Variants in DPP9 observed in about 807,000 individuals in gnomAD.
DPP9 encodes the protein dipeptidyl peptidase IV-related protein-2.
DPP9 carries 50 observed loss-of-function variants against 110.7 expected under a neutral mutation model. The observed-to-expected ratio is 0.45, with a 90% confidence interval of 0.36 to 0.57. The LOEUF is 0.57. DPP9 is among the 20% of genes least tolerant of loss of function. The probability of loss-of-function intolerance (pLI) is 0.00; values close to 1 mark genes in which losing one functional copy is unlikely to be tolerated. For missense variants in DPP9, 1,022 were observed against 1,217.9 expected (o/e 0.84, Z 2.39); for synonymous variants, 561 against 514.4 (o/e 1.09, Z -1.23).
chr19:4,688,735 G>A, intron 16 of DPP9, 22 bp downstream of exon 16: 1 of 1,415,642 alleles, frequency 7.1e-7, no homozygotes, highest in Non-Finnish European at 9.2e-7. Context: ...GGCCTCCGTG[G>A]GGCGGGGCAG....
intron 19 of DPP9, chr19:4,683,174 G>A: frequency 6.9e-7 from 1 of 1,442,092 alleles, no homozygotes; most frequent in Non-Finnish European, 9.1e-7. Context: ...CCGCCGCTCT[G>A]CACACCATGC....
In DPP9 at chr19:4,689,694, A is replaced by C; in HGVS notation, c.1625T>G (p.Val542Gly). The C allele has an allele frequency of 6.4e-7, 1 of 1,554,378 alleles. No homozygotes were observed. The highest frequency in any genetic ancestry group is 8.7e-7 in the Non-Finnish European group (1 of 1,148,560). ...KIWVNEETKL[V>G]YFQGTKDTPL... ...CGTGTCCTTGGTGCCCTGGAAGTACACCAGCTTGGTCTCCTCATTGACCCA... is the reference window on the plus strand; with the variant it reads ...CGTGTCCTTGGTGCCCTGGAAGTACCCCAGCTTGGTCTCCTCATTGACCCA... Residue 542 changes from valine to glycine, a missense_variant, in exon 15 of 22, where the codon GTG (valine) becomes GGG (glycine). Physicochemically the swap from Val to Gly is moderately radical, Grantham distance 109. Transcript: ENST00000262960. This position sits in a 1 kb window ranked among gnomAD's most constrained non-coding sequence, Gnocchi z 7.0.
Position 4,704,149 on chromosome 19 carries a change from G to A in DPP9, c.582C>T (p.Gly194=), listed in dbSNP as rs747057911. Residue 194 remains glycine, a synonymous_variant, in exon 6 of 22, where the codon GGC becomes GGT. Transcript: ENST00000262960. This position sits in a 1 kb window ranked among gnomAD's most constrained non-coding sequence, Gnocchi z 6.0. ...ASNSLFHCRD[G]GKNGFMVSPM... ...GGCTCACCATGAAGCCGTTCTTGCC[G>A]CCGTCGCGGCAGTGGAAGAGGCTGT... is the stretch of plus-strand genomic sequence containing the variant. 70 of 1,613,864 alleles carry A rather than the reference G, an allele frequency of 4.3e-5. No homozygotes were observed. The highest frequency in any genetic ancestry group is 5.5e-5 in the South Asian group (5 of 91,086).
rs367573040 is a variant in DPP9 at position 4,688,931 on chromosome 19, G to A, written c.1750-39C>T. ...GGGGTGATGAGCTCCACGGGATGCCGCTGCGCCCTTTCCACTGGGTGCCGA... is the reference window on the plus strand; with the variant it reads ...GGGGTGATGAGCTCCACGGGATGCCACTGCGCCCTTTCCACTGGGTGCCGA... On this transcript the variant is annotated intron_variant, in intron 15 of 21. Transcript: ENST00000262960. 26 of 1,497,124 alleles carry A rather than the reference G, an allele frequency of 1.7e-5. 1 individual carries two copies. The South Asian group carries it at 2.0e-4, about 12-fold the overall frequency. 92.7% of individuals were successfully genotyped at this position (1,497,124 alleles called of 1,614,324 possible).
In DPP9 at chr19:4,676,244, C is replaced by T. The variant is rs572629348; in HGVS notation, c.*320G>A. ...GCCCCAGGCGGAAGGCAGCCCGCTC[C>T]TCTGAGTCTCTTCTGGCCTCTCCAG... On this transcript the variant is annotated 3_prime_UTR_variant, in exon 22 of 22. Transcript: ENST00000262960. The surrounding 1 kb of genome is among the most constrained non-coding windows in gnomAD (Gnocchi z 4.0). 2 of 342,462 alleles carry T rather than the reference C, an allele frequency of 5.8e-6. No individual in the cohort carries two copies. The highest frequency in any genetic ancestry group is 6.1e-5 in the East Asian group (1 of 16,352). The allele number at this position is 342,462 out of a possible 1,614,324, so 21.2% of individuals were successfully genotyped here. A position where few individuals can be genotyped will look rare whatever the true frequency, so the allele number is the denominator to read the frequency against.
At chr19:4,692,378 GT>G (rs1414290803) in intron 13 of DPP9, among the ~76,000 whole-genome samples, 1 of 152,186 alleles carries the variant, frequency 6.6e-6, no homozygotes, top group African/African-American at 2.4e-5. Flanking sequence ...GAGGGCAGAT[GT>G]GGTTTCCCTG....
chr19:4,719,527 T>C, intron 3 of DPP9: 1 of 404,468 alleles, frequency 2.5e-6, no homozygotes. Flanking sequence ...CTTGGTGACA[T>C]CTGGAGACAT....
At position 4,682,256 on chromosome 19, in the gene DPP9, T is replaced by C. The variant is rs1019796044; in HGVS notation, c.2474+440A>G. 6.6e-6 allele frequency among the ~76,000 whole-genome samples: 1 copy of C among 152,154 alleles called. No individual in the cohort carries two copies. The highest frequency in any genetic ancestry group is 1.5e-5 in the Non-Finnish European group (1 of 68,020). ...ACACTGTTTTCTCTCCATCAGAGAA[T>C]AAGACCCATGTCAAAAGCATAAAAT... On this transcript the variant is annotated intron_variant, in intron 20 of 21. Coordinates refer to ENST00000262960, the MANE Select transcript of DPP9 (RefSeq NM_139159.5). This position sits in a 1 kb window ranked among gnomAD's most constrained non-coding sequence, Gnocchi z 7.1.
In DPP9 at chr19:4,694,624, C is replaced by G. The variant is rs535074477; in HGVS notation, c.1516+37G>C. 1 of 1,593,630 alleles carries G rather than the reference C, an allele frequency of 6.3e-7. No homozygotes were observed. Among genetic ancestry groups the G allele is most frequent in the Non-Finnish European group, 8.6e-7 (1 of 1,169,294 alleles). ...AGCATATTGAACCACACGTGACTAA[C>G]GCGATGAGTCGACAGCATTCGTCAG... is the stretch of plus-strand genomic sequence containing the variant. On this transcript the variant is annotated intron_variant, in intron 13 of 21. Transcript: ENST00000262960. This position sits in a 1 kb window ranked among gnomAD's most constrained non-coding sequence, Gnocchi z 4.0.
Position 4,696,747 on chromosome 19 carries a change from C to CA in DPP9, c.1175+803dup, listed in dbSNP as rs938161417. 2.0e-3 allele frequency among the ~76,000 whole-genome samples: 290 copies of CA among 143,276 alleles called. 1 individual carries two copies. Among genetic ancestry groups the CA allele is most frequent in the African/African-American group, 6.9e-3 (268 of 38,876 alleles). 94.0% of individuals were successfully genotyped at this position (143,276 alleles called of 152,430 possible). ...CTGGTGACAGGGCAAGACTCCGTCTCAAAAAAAAAAATTAAAATATTAGCT... is the reference window on the plus strand; with the variant it reads ...CTGGTGACAGGGCAAGACTCCGTCTCAAAAAAAAAAAATTAAAATATTAGCT... On this transcript the variant is annotated intron_variant, in intron 11 of 21. Coordinates refer to ENST00000262960, the MANE Select transcript of DPP9 (RefSeq NM_139159.5).
chr19:4,691,203 G>A lies in DPP9; in HGVS notation c.1517-246C>T, dbSNP rs372730607. Among the ~76,000 whole-genome samples, 6 of 152,278 alleles carry A rather than the reference G, an allele frequency of 3.9e-5. No individual in the cohort carries two copies. In the East Asian group the frequency reaches 7.7e-4, roughly 20 times the overall value. The stretch of plus-strand genomic sequence containing the variant: ...TTTCCCACGATAAACCAGGAGACCC[G>A]TGGCTCACTCCTGAAATCCCAGCAC... On this transcript the variant is annotated intron_variant, in intron 13 of 21. Transcript: ENST00000262960.
In DPP9 at chr19:4,702,106, CTCA is replaced by C. The variant is rs1187971782; in HGVS notation, c.930_932del (p.Asp310del). 1 of 1,613,830 alleles carries C rather than the reference CTCA, an allele frequency of 6.2e-7. No homozygotes were observed. Among genetic ancestry groups the C allele is most frequent in the African/African-American group, 1.3e-5 (1 of 74,926 alleles). ...GGACGTGAATGACCTCCACCTCGGACTCATCGACTTCCTCATACAGGATTCGCA... is the reference window on the plus strand; with the variant it reads ...GGACGTGAATGACCTCCACCTCGGACTCGACTTCCTCATACAGGATTCGCA... On this transcript the variant is annotated inframe_deletion, in exon 9 of 22. Coordinates refer to ENST00000262960, the MANE Select transcript of DPP9 (RefSeq NM_139159.5).
chr19:4,678,975 C>A (rs1426797454), intron 21 of DPP9, among the ~76,000 whole-genome samples: 1 of 152,108 alleles, frequency 6.6e-6, no homozygotes, highest in East Asian at 1.9e-4. Flanking sequence ...GCCCGAGTCA[C>A]CTCCCACCAC....
chr19:4,707,770 C>G (rs765242926), intron 4 of DPP9, among the ~76,000 whole-genome samples: 1 of 151,812 alleles, frequency 6.6e-6, no homozygotes, highest in Non-Finnish European at 1.5e-5. Flanking sequence ...GGATTACAGG[C>G]GCCCACCACC....
rs1270830074 is a variant in DPP9 at position 4,689,286 on chromosome 19, G to A, written c.1749+284C>T. 6.6e-6 allele frequency among the ~76,000 whole-genome samples: 1 copy of A among 152,214 alleles called. No individual in the cohort carries two copies. Among genetic ancestry groups the A allele is most frequent in the Non-Finnish European group, 1.5e-5 (1 of 68,016 alleles). On this transcript the variant is annotated intron_variant, in intron 15 of 21. Coordinates refer to ENST00000262960, the MANE Select transcript of DPP9 (RefSeq NM_139159.5). This position sits in a 1 kb window ranked among gnomAD's most constrained non-coding sequence, Gnocchi z 7.0. The stretch of plus-strand genomic sequence containing the variant: ...CCTGACATTCTAGAATGTTCTGAGA[G>A]GCTAAGGGCCACATCCCACCGCACA...
chr19:4,690,736 G>GGT, intron 14 of DPP9, 142 bp downstream of exon 14: 1 of 712,584 alleles, frequency 1.4e-6, no homozygotes. Context: ...GGTCCTCACA[G>GGT]GTGTGTGTGC....
rs2145590907 is a variant in DPP9, at chr19:4,694,595, A to C, written c.1516+66T>G. ...TGAGTGGGGGGGCCGACCAATGAAC[A>C]AACAGCATATTGAACCACACGTGAC... On this transcript the variant is annotated intron_variant, in intron 13 of 21. Coordinates refer to ENST00000262960, the MANE Select transcript of DPP9 (RefSeq NM_139159.5). This position sits in a 1 kb window ranked among gnomAD's most constrained non-coding sequence, Gnocchi z 4.0. The C allele has an allele frequency of 1.9e-6, 3 of 1,550,524 alleles. No homozygotes were observed. Among genetic ancestry groups the C allele is most frequent in the Non-Finnish European group, 2.6e-6 (3 of 1,143,226 alleles).
rs1452841902 is a variant in DPP9 at position 4,714,348 on chromosome 19, G to A, written c.57-11C>T. The A allele has an allele frequency of 6.1e-6, 9 of 1,483,764 alleles. No homozygotes were observed. The Middle Eastern group carries it at 7.0e-4, about 115-fold the overall frequency. 91.9% of individuals were successfully genotyped at this position (1,483,764 alleles called of 1,614,324 possible). A position where few individuals can be genotyped will look rare whatever the true frequency, so the allele number is the denominator to read the frequency against. On this transcript the variant is annotated splice_polypyrimidine_tract_variant and intron_variant, in intron 3 of 21. Coordinates refer to ENST00000262960, the MANE Select transcript of DPP9 (RefSeq NM_139159.5). ...GAATTCAGCGAGAAGCTGCGGGGAGGAAGCAAAGACTATGAGAAAGGAGAA... is the reference window on the plus strand; with the variant it reads ...GAATTCAGCGAGAAGCTGCGGGGAGAAAGCAAAGACTATGAGAAAGGAGAA...
chr19:4,705,078 G>A lies in DPP9; in HGVS notation c.427-774C>T, dbSNP rs572606357. Among the ~76,000 whole-genome samples, 79 of 152,298 alleles carry A rather than the reference G, an allele frequency of 5.2e-4. 1 individual carries two copies. Among genetic ancestry groups the A allele is most frequent in the Non-Finnish European group, 9.6e-4 (65 of 68,016 alleles). On this transcript the variant is annotated intron_variant, in intron 5 of 21. Coordinates refer to ENST00000262960, the MANE Select transcript of DPP9 (RefSeq NM_139159.5). ...GTAAACACAAGGACACTGGCTTGGGGACTCAGAGACAGGCCAAAGTGAGGG... is the reference window on the plus strand; with the variant it reads ...GTAAACACAAGGACACTGGCTTGGGAACTCAGAGACAGGCCAAAGTGAGGG...
Sources: allele counts gnomAD v4.1 joint callset (sites outside exome capture counted in the v4.1 genomes callset), GRCh38; gene constraint gnomAD v4.1.1; non-coding constraint Gnocchi (gnomAD v3.1); transcripts MANE v1.5; gene names NCBI Gene and HGNC (gene_info 2026-07-23, HGNC 2026-07-21).